Variants in CDK13 observed in about 807,000 individuals in gnomAD.
CDK13 encodes cyclin-dependent kinase 13.
Under a neutral mutation model 137.6 loss-of-function variants are expected in CDK13, and 40 were observed. The observed-to-expected ratio is 0.29, with a 90% CI of 0.23 to 0.38. The LOEUF (loss-of-function observed/expected upper bound fraction) is 0.38, where lower values mean the gene tolerates loss of function less well. Among genes scored for constraint, CDK13 ranks in the 10% least tolerant of loss-of-function variants. The probability of loss-of-function intolerance (pLI) is 1.00; values close to 1 mark genes in which losing one functional copy is unlikely to be tolerated. For missense variants in CDK13, 1,704 were observed against 1,951.8 expected (o/e 0.87, Z 2.39); for synonymous variants, 869 against 760.1 (o/e 1.14, Z -2.36).
chr7:40,082,843 G>A (rs2150539531), intron 11 of CDK13, among the ~76,000 whole-genome samples: 1 of 151,592 alleles, frequency 6.6e-6, no homozygotes, highest in East Asian at 1.9e-4. Flanking sequence ...GCTCATGCCT[G>A]TAATCCCAGC....
At chr7:40,021,210 AT>A (rs1257894789) in intron 5 of CDK13, among the ~76,000 whole-genome samples, 1 of 151,746 alleles carries the variant, frequency 6.6e-6, no homozygotes, top group Non-Finnish European at 1.5e-5. Context: ...AGAAATAGTA[AT>A]TTTGACTGGG....
chr7:39,980,209 A>G (rs1486183900), intron 1 of CDK13, among the ~76,000 whole-genome samples: 1 of 152,208 alleles, frequency 6.6e-6, no homozygotes, highest in Non-Finnish European at 1.5e-5. Context: ...GGGAACTGGG[A>G]AACTAGATTT....
chr7:40,084,212 G>A (rs896080850), intron 11 of CDK13, among the ~76,000 whole-genome samples: 1 of 151,962 alleles, frequency 6.6e-6, no homozygotes, highest in African/African-American at 2.4e-5. Context: ...CGGGCGCAGT[G>A]GCTCACACCT....
intron 1 of CDK13, among the ~76,000 whole-genome samples, chr7:39,965,290 A>G (rs112176070): frequency 2.0e-5 from 3 of 152,116 alleles, no homozygotes; most frequent in Non-Finnish European, 2.9e-5. Flanking sequence ...CTTGCTTTAT[A>G]AATCTGGGTG....
chr7:39,969,061 G>A (rs1562703601), intron 1 of CDK13, among the ~76,000 whole-genome samples: 1 of 152,116 alleles, frequency 6.6e-6, no homozygotes, highest in Non-Finnish European at 1.5e-5. Context: ...TGTGGCTGGA[G>A]TGCAGTGGTG....
intron 11 of CDK13, among the ~76,000 whole-genome samples, chr7:40,081,846 A>G (rs1786669696): frequency 6.6e-6 from 1 of 152,134 alleles, no homozygotes; most frequent in Non-Finnish European, 1.5e-5. Flanking sequence ...TCCAGACCTC[A>G]GGTGATCCGC....
chr7:39,969,046 C>G (rs183542014), intron 1 of CDK13, among the ~76,000 whole-genome samples: 2 of 152,030 alleles, frequency 1.3e-5, no homozygotes, highest in Non-Finnish European at 2.9e-5. Flanking sequence ...GATGGAGCCT[C>G]GCTCTGTGGC....
chr7:40,084,502 A>G (rs1584086538), intron 11 of CDK13, among the ~76,000 whole-genome samples: 1 of 152,322 alleles, frequency 6.6e-6, no homozygotes, highest in East Asian at 1.9e-4. Context: ...AAAGTTAGAA[A>G]TAACTCCATT....
At chr7:40,058,009 A>G (rs1426323888) in intron 7 of CDK13, among the ~76,000 whole-genome samples, 1 of 152,220 alleles carries the variant, frequency 6.6e-6, no homozygotes, top group African/African-American at 2.4e-5. Context: ...AAGCAAATAA[A>G]ATAACGACTA....
chr7:39,972,187 C>T (rs930514387), intron 1 of CDK13, among the ~76,000 whole-genome samples: 2 of 152,160 alleles, frequency 1.3e-5, no homozygotes, highest in South Asian at 2.1e-4. Context: ...TGCAAAAAGT[C>T]AGCCACGTGT....
At chr7:39,953,214 TTAAAGAG>T (rs1787293136) in intron 1 of CDK13, among the ~76,000 whole-genome samples, 1 of 152,370 alleles carries the variant, frequency 6.6e-6, no homozygotes, top group Middle Eastern at 3.4e-3. Flanking sequence ...TGCTTCACTC[TTAAAGAG>T]TGTTGAAGCA....
rs1182640459 is a variant in CDK13 at position 40,002,835 on chromosome 7, T to C, written c.2353+804T>C. On this transcript the variant is annotated intron_variant, in intron 5 of 13. Coordinates refer to ENST00000181839, the MANE Select transcript of CDK13 (RefSeq NM_003718.5). ...AGCCAAACACTTTGGGAGTCCAGGG[T>C]GTGAGGATCACTTGAGCCCAGGAGC... Among the ~76,000 whole-genome samples, 11 of 148,082 alleles carry C rather than the reference T, an allele frequency of 7.4e-5. No homozygotes were observed. The South Asian group carries it at 2.3e-3, about 32-fold the overall frequency.
In CDK13 at chr7:39,993,257, G is replaced by A. The variant is rs143232841; in HGVS notation, c.1872-4237G>A. Among the ~76,000 whole-genome samples, 7 of 152,050 alleles carry A rather than the reference G, an allele frequency of 4.6e-5. No individual in the cohort carries two copies. The East Asian group carries it at 7.7e-4, about 17-fold the overall frequency. On this transcript the variant is annotated intron_variant, in intron 2 of 13. Coordinates refer to ENST00000181839, the MANE Select transcript of CDK13 (RefSeq NM_003718.5). ...TTAGCTGGCCTTGTTTTGTAAATAC[G>A]TGTTTCCCCATATCCCATTTAATCA...
intron 1 of CDK13, among the ~76,000 whole-genome samples, chr7:39,954,290 A>T (rs1273248987): frequency 6.6e-6 from 1 of 152,256 alleles, no homozygotes; most frequent in Non-Finnish European, 1.5e-5. Context: ...TTGATTGGAA[A>T]AATCTAAAGA....
At chr7:39,996,468 A>C (rs1384475018) in intron 2 of CDK13, among the ~76,000 whole-genome samples, 2 of 152,216 alleles carry the variant, frequency 1.3e-5, no homozygotes, top group Admixed American at 6.5e-5. Context: ...TGCATTCATA[A>C]AAAGTACAAA....
At chr7:40,050,540 C>G (rs1785864167) in intron 7 of CDK13, among the ~76,000 whole-genome samples, 1 of 152,162 alleles carries the variant, frequency 6.6e-6, no homozygotes, top group Non-Finnish European at 1.5e-5. Context: ...TGCAGATGTG[C>G]ACCACCATGC....
intron 7 of CDK13, among the ~76,000 whole-genome samples, chr7:40,057,645 C>T (rs1786049893): frequency 6.6e-6 from 1 of 152,088 alleles, no homozygotes; most frequent in Non-Finnish European, 1.5e-5. Context: ...TTTGCTGAGA[C>T]AGTAAAGAAG....
intron 2 of CDK13, among the ~76,000 whole-genome samples, chr7:39,996,397 AT>A (rs1164666724): frequency 6.6e-5 from 10 of 152,330 alleles, no homozygotes; most frequent in African/African-American, 2.2e-4. Flanking sequence ...ACTTTGTCAT[AT>A]CAGGGAAATT....
At chr7:40,052,323 C>T (rs888865362) in intron 7 of CDK13, among the ~76,000 whole-genome samples, 1 of 152,068 alleles carries the variant, frequency 6.6e-6, no homozygotes, top group Admixed American at 6.5e-5. Context: ...ATTACAGGCA[C>T]CTGCCACCAC....
Sources: allele counts gnomAD v4.1 joint callset (sites outside exome capture counted in the v4.1 genomes callset), GRCh38; gene constraint gnomAD v4.1.1; transcripts MANE v1.5; gene names NCBI Gene and HGNC (gene_info 2026-07-23, HGNC 2026-07-21).